Variants in BBS12 observed in about 807,000 individuals in gnomAD.
The protein encoded by BBS12 is chaperonin-containing T-complex member BBS12.
In BBS12, 5 loss-of-function variants were observed where a neutral mutation model predicts 5.6. The observed-to-expected ratio is 0.89, with a 90% CI of 0.46 to 1.86. The LOEUF is 1.86. Ranked by LOEUF, BBS12 falls within the 40% of genes most tolerant of loss-of-function variation. The pLI is 0.01. For synonymous variants in BBS12, 308 were observed against 306.8 expected (o/e 1.00, Z -0.04); for missense variants, 748 against 830.4 (o/e 0.90, Z 1.22).
chr4:122,718,308 T>C, the BBS12 span, among the ~76,000 whole-genome samples: 1 of 152,182 alleles, frequency 6.6e-6, no homozygotes. Context: ...ACCTCCTACC[T>C]AGCCTTGTAG....
At chr4:122,722,150 GATAT>G in the BBS12 span, among the ~76,000 whole-genome samples, 2 of 151,994 alleles carry the variant, frequency 1.3e-5, no homozygotes, top group Non-Finnish European at 2.9e-5. Context: ...ATACCTTATG[GATAT>G]ACTATTGACT....
chr4:122,739,256 A>AT (rs1800829671), intron 1 of BBS12, among the ~76,000 whole-genome samples: 1 of 152,256 alleles, frequency 6.6e-6, no homozygotes, highest in Non-Finnish European at 1.5e-5. Context: ...GTAATTTGGT[A>AT]TGGCAGCCCT....
At chr4:122,716,693 A>ACACACACGCG in the BBS12 span, among the ~76,000 whole-genome samples, 3 of 74,082 alleles carry the variant, frequency 4.0e-5, no homozygotes, top group Admixed American at 1.4e-4. Context: ...ACATATGTGT[A>ACACACACGCG]TGTGTGTGTA....
the BBS12 span, among the ~76,000 whole-genome samples, chr4:122,708,028 T>G: frequency 1.6e-5 from 2 of 123,456 alleles, no homozygotes; most frequent in East Asian, 5.0e-4. Flanking sequence ...TTTTTTTTTT[T>G]GTTTACAAGG....
the BBS12 span, among the ~76,000 whole-genome samples, chr4:122,718,884 T>C: frequency 1.3e-5 from 2 of 152,188 alleles, no homozygotes; most frequent in African/African-American, 4.8e-5. Context: ...AGTGGCACAA[T>C]CTCGGCTCAC....
the BBS12 span, among the ~76,000 whole-genome samples, chr4:122,704,939 C>T: frequency 6.6e-6 from 1 of 152,190 alleles, no homozygotes; most frequent in Non-Finnish European, 1.5e-5. Flanking sequence ...GAATATATTT[C>T]TTCACACCTT....
rs769485563 is a variant in BBS12, at chr4:122,742,682, A to G, written c.790A>G (p.Arg264Gly). 2 of 1,614,252 alleles carry G rather than the reference A, an allele frequency of 1.2e-6. No homozygotes were observed. The highest frequency in any genetic ancestry group is 1.1e-5 in the South Asian group (1 of 91,084). ...EHVTATHKTY[R>G]CNDLVELAVG... ...TGTTACAGCTACTCACAAAACTTAC[A>G]GATGTAATGATTTGGTAGAGTTGGC... is the stretch of plus-strand genomic sequence containing the variant. The change falls in exon 2 of 2, where the codon AGA (arginine) becomes GGA (glycine). Residue 264 changes from arginine to glycine, a missense_variant. Physicochemically the swap from Arg to Gly is moderately radical, Grantham distance 125 (BLOSUM62 -2). Transcript: ENST00000314218.
rs149163394 is a variant in BBS12 at position 122,739,272 on chromosome 4, G to A, written c.-10-2611G>A. Among the ~76,000 whole-genome samples, 8 of 152,374 alleles carry A rather than the reference G, an allele frequency of 5.3e-5. No individual in the cohort carries two copies. In the East Asian group the frequency reaches 1.5e-3, roughly 29 times the overall value. ...TAATTTGGTATGGCAGCCCTAGGAA[G>A]CTGATGCAGTGAGGATGTGGAGAAA... On this transcript the variant is annotated intron_variant, in intron 1 of 1. Coordinates refer to ENST00000314218, the MANE Select transcript of BBS12 (RefSeq NM_152618.3).
chr4:122,726,909 T>A, the BBS12 span, among the ~76,000 whole-genome samples: 1 of 152,168 alleles, frequency 6.6e-6, no homozygotes, highest in East Asian at 1.9e-4. Context: ...GCTATGAGGA[T>A]GCAAAGGAAT....
the BBS12 span, among the ~76,000 whole-genome samples, chr4:122,707,303 G>A: frequency 5.7e-5 from 1 of 17,500 alleles, no homozygotes; most frequent in Non-Finnish European, 8.7e-5. Flanking sequence ...ATTATCATTT[G>A]TTTCCCCACA....
At chr4:122,728,488 A>C (rs1800655058), upstream of BBS12, 1 of 152,250 alleles carries the variant, frequency 6.6e-6, no homozygotes, top group African/African-American at 2.4e-5. Context: ...TTCATTAAAA[A>C]GTGGCAAAAA....
the BBS12 span, among the ~76,000 whole-genome samples, chr4:122,702,761 G>A: frequency 6.6e-6 from 1 of 152,094 alleles, no homozygotes; most frequent in Non-Finnish European, 1.5e-5. Context: ...ACCAAGAAGA[G>A]GTCTGTAAGT....
At chr4:122,704,214 G>A in the BBS12 span, among the ~76,000 whole-genome samples, 1 of 152,144 alleles carries the variant, frequency 6.6e-6, no homozygotes, top group African/African-American at 2.4e-5. Flanking sequence ...CACTCAAAAG[G>A]TAACAGTAAA....
intron 1 of BBS12, among the ~76,000 whole-genome samples, chr4:122,740,800 A>G (rs1800859465): frequency 6.6e-6 from 1 of 152,230 alleles, no homozygotes; most frequent in Admixed American, 6.5e-5. Flanking sequence ...TATTATTGTT[A>G]TTAAAACAAG....
chr4:122,707,736 G>T, the BBS12 span, among the ~76,000 whole-genome samples: 2 of 152,170 alleles, frequency 1.3e-5, no homozygotes, highest in Non-Finnish European at 2.9e-5. Flanking sequence ...AGGCTCTGGT[G>T]CAGTAGAAGG....
rs528155673 is a variant in BBS12, at chr4:122,734,048, A to G, written c.-11+1164A>G. 4.4e-4 allele frequency: 67 copies of G among 152,234 alleles called. 1 individual carries two copies. Among genetic ancestry groups the G allele is most frequent in the African/African-American group, 1.6e-3 (66 of 41,552 alleles). 9.4% of individuals were successfully genotyped at this position (152,234 alleles called of 1,614,324 possible). On this transcript the variant is annotated intron_variant, in intron 1 of 1. Coordinates refer to ENST00000314218, the MANE Select transcript of BBS12 (RefSeq NM_152618.3). ...TTATATCCCAGACAGACACGCAAGT[A>G]TTGTAATCATTGATAAAAATCTCAT...
At chr4:122,704,888 C>A in the BBS12 span, among the ~76,000 whole-genome samples, 3 of 152,202 alleles carry the variant, frequency 2.0e-5, no homozygotes, top group African/African-American at 7.2e-5. Context: ...GTGTCCACAG[C>A]CATTTCAGTG....
chr4:122,733,425 A>C (rs957609074), intron 1 of BBS12, among the ~76,000 whole-genome samples: 9 of 117,750 alleles, frequency 7.6e-5, no homozygotes, highest in Non-Finnish European at 1.5e-4. Flanking sequence ...ACACACACAC[A>C]TCCAGCCATT....
rs1351171130 is a variant in BBS12, at chr4:122,741,914, G to T, written c.22G>T (p.Val8Leu). 6.2e-7 allele frequency: 1 copy of T among 1,613,918 alleles called. No individual in the cohort carries two copies. Among genetic ancestry groups the T allele is most frequent in the Admixed American group, 1.7e-5 (1 of 59,976 alleles). Residue 8 changes from valine (V) to leucine (L), a missense_variant, in exon 2 of 2, where the codon GTA becomes TTA. Val to Leu is a conservative substitution (Grantham distance 32). Transcript: ENST00000314218. MVMACRV[V>L]NKRRHMGLQQ... ...ATACATGGTGATGGCTTGCAGAGTC[G>T]TAAACAAAAGAAGACACATGGGACT...
Sources: gnomAD v4.1 joint callset for allele counts (sites outside exome capture counted in the v4.1 genomes callset) on GRCh38, gnomAD v4.1.1 for gene constraint, MANE v1.5 for transcripts, NCBI Gene and HGNC (gene_info 2026-07-23, HGNC 2026-07-21) for gene names.